The following SRSF5 variants were observed in gnomAD, a reference collection of about 807,000 sequenced individuals.
The protein encoded by SRSF5 is serine/arginine-rich splicing factor 5.
A neutral mutation model predicts 34.0 loss-of-function variants in SRSF5; 5 were observed. That is an observed-to-expected ratio of 0.15 (90% CI 0.08 to 0.31). SRSF5 has a LOEUF of 0.31. SRSF5 is among the 10% of genes least tolerant of loss of function. The probability of loss-of-function intolerance (pLI) is 1.00; values close to 1 mark genes in which losing one functional copy is unlikely to be tolerated. For synonymous variants in SRSF5, 164 were observed against 117.7 expected, an observed-to-expected ratio of 1.39 and a Z score of -2.55; for missense variants, 223 against 351.4, an observed-to-expected ratio of 0.63 and a Z score of 2.92.
At position 69,769,195 on chromosome 14, in the gene SRSF5, G is replaced by A. The variant is rs996604039; in HGVS notation, c.310G>A (p.Val104Ile). The change falls in exon 5 of 8, where the codon GTA becomes ATA. Residue 104 changes from valine to isoleucine, a missense_variant. Physicochemically the swap from Val to Ile is conservative, Grantham distance 29 (BLOSUM62 3). This residue lies in a region of SRSF5 where 44 missense variants were observed against 44.3 expected (regional missense o/e 0.99). Transcript: ENST00000557154. The part of the protein sequence containing the change: ...PRNDRRNAPP[V>I]RTENRLIVEN... Reference sequence around the variant, plus strand: ...TTTCTTCCTCAGAAATGCTCCACCTGTAAGAACAGAAAATCGTCTTATAGT... The same window carrying A: ...TTTCTTCCTCAGAAATGCTCCACCTATAAGAACAGAAAATCGTCTTATAGT... 18 of 1,614,052 alleles carry A rather than the reference G, an allele frequency of 1.1e-5. No individual in the cohort carries two copies. Among genetic ancestry groups the A allele is most frequent in the Non-Finnish European group, 1.4e-5 (16 of 1,180,040 alleles).
chr14:69,769,344 TTAAA>T (rs1275344475), intron 5 of SRSF5, 93 bp downstream of exon 5: 17 of 1,541,612 alleles, frequency 1.1e-5, no homozygotes, highest in Non-Finnish European at 1.5e-5. Context: ...AAAAGTAGTT[TTAAA>T]TTAATGGATT....
chr14:69,770,870 C>T, intron 6 of SRSF5, 125 bp from the exon 7 acceptor site: 1 of 875,526 alleles, frequency 1.1e-6, no homozygotes, highest in Non-Finnish European at 1.8e-6. Context: ...CTGTGTTATC[C>T]AGAAATAAGA....
At position 69,769,040 on chromosome 14, in the gene SRSF5, C is replaced by A. The variant is rs552264540; in HGVS notation, c.297-142C>A. ...CGTTAGCCAGTTGTTCTTGATGAAT[C>A]TATATGAGTCATAGAACACAAATCT... On this transcript the variant is annotated intron_variant, in intron 4 of 7. Coordinates refer to ENST00000557154, the MANE Select transcript of SRSF5 (RefSeq NM_001320214.2). 1.3e-5 allele frequency: 16 copies of A among 1,276,796 alleles called. No homozygotes were observed. The South Asian group carries it at 1.6e-4, about 13-fold the overall frequency. The allele number at this position is 1,276,796 out of a possible 1,614,324, so 79.1% of individuals were successfully genotyped here.
chr14:69,768,101 T>C lies in SRSF5; in HGVS notation c.-19-37T>C, dbSNP rs181278650. The C allele has an allele frequency of 3.3e-3, 5,259 of 1,609,720 alleles. 11 individuals carry two copies. Among genetic ancestry groups the C allele is most frequent in the Non-Finnish European group, 4.2e-3 (4,898 of 1,176,844 alleles). On this transcript the variant is annotated intron_variant, in intron 1 of 7. Transcript: ENST00000557154. ...TTAATCAGGCGTTTCTCTGTGACAG[T>C]CATTGCTATTATCTCGATTGAATTA...
At chr14:69,767,326 G>C (rs894218751) in intron 1 of SRSF5, 71 bp downstream of exon 1, 2 of 454,208 alleles carry the variant, frequency 4.4e-6, no homozygotes, top group Admixed American at 2.4e-5. Context: ...ATCGTGAGCG[G>C]CCGGGGCTGC....
chr14:69,771,580 A>C lies in SRSF5; in HGVS notation c.*119A>C. The C allele has an allele frequency of 8.4e-5, 62 of 740,532 alleles. No homozygotes were observed. The highest frequency in any genetic ancestry group is 1.4e-4 in the East Asian group (3 of 21,134). 45.9% of individuals were successfully genotyped at this position (740,532 alleles called of 1,614,324 possible). A position where few individuals can be genotyped will look rare whatever the true frequency, so the allele number is the denominator to read the frequency against. On this transcript the variant is annotated 3_prime_UTR_variant, in exon 8 of 8. Transcript: ENST00000557154. ...GCTTTTCTGTGGGGGTGGGATTTGGAAGGGGGGTTGGGTTGGGCTGGATAT... is the reference window on the plus strand; with the variant it reads ...GCTTTTCTGTGGGGGTGGGATTTGGCAGGGGGGTTGGGTTGGGCTGGATAT...
intron 3 of SRSF5, 39 bp from the exon 4 acceptor site, chr14:69,768,759 C>CT (rs1286282193): frequency 5.6e-6 from 9 of 1,611,554 alleles, no homozygotes; most frequent in Non-Finnish European, 7.6e-6. Context: ...ATTTATGTAG[C>CT]TTAAGTGTGT....
intron 6 of SRSF5, 195 bp from the exon 7 acceptor site, chr14:69,770,800 A>ACCCT: frequency 1.5e-6 from 1 of 649,262 alleles, no homozygotes; most frequent in Non-Finnish European, 2.7e-6. Context: ...TGCATAGGGA[A>ACCCT]CCCCCTCAAC....
rs369660005 is a variant in SRSF5 at position 69,770,984 on chromosome 14, T to C, written c.441-11T>C. On this transcript the variant is annotated splice_polypyrimidine_tract_variant and intron_variant, in intron 6 of 7. Coordinates refer to ENST00000557154, the MANE Select transcript of SRSF5 (RefSeq NM_001320214.2). ...TGTATATACTTTAAAAGTGGCTGTT[T>C]TCCATTTTAGGGTGGTTGAGTTTGC... 5.0e-6 allele frequency: 8 copies of C among 1,607,410 alleles called. No individual in the cohort carries two copies. The highest frequency in any genetic ancestry group is 1.7e-5 in the Admixed American group (1 of 58,140).
intron 5 of SRSF5, chr14:69,769,881 C>A: frequency 8.4e-7 from 1 of 1,193,834 alleles, no homozygotes; most frequent in Non-Finnish European, 1.0e-6. Flanking sequence ...CTGCATCCGC[C>A]AATAGTCCGC....
rs764341144 is a variant in SRSF5 at position 69,769,271 on chromosome 14, T to C, written c.366+20T>C. ...TGGCAGGTTTGTTGAAATACAGTTT[T>C]GAGTTATTTTGATGTGGCTTTTTAA... On this transcript the variant is annotated intron_variant, in intron 5 of 7. Transcript: ENST00000557154. 6.2e-7 allele frequency: 1 copy of C among 1,613,410 alleles called. No homozygotes were observed. Among genetic ancestry groups the C allele is most frequent in the Non-Finnish European group, 8.5e-7 (1 of 1,179,590 alleles).
chr14:69,771,173 A>T (rs1009208099), intron 7 of SRSF5, 21 bp from the exon 8 acceptor site: 21 of 1,613,618 alleles, frequency 1.3e-5, no homozygotes, highest in Middle Eastern at 1.6e-4. Context: ...ATCTAGGCTG[A>T]TTTCTTTTCA....
At position 69,768,680 on chromosome 14, in the gene SRSF5, A is replaced by G. The variant is rs769189941; in HGVS notation, c.197+6A>G. 1 of 1,614,106 alleles carries G rather than the reference A, an allele frequency of 6.2e-7. No homozygotes were observed. The highest frequency in any genetic ancestry group is 8.5e-7 in the Non-Finnish European group (1 of 1,179,920). On this transcript the variant is annotated splice_donor_region_variant and intron_variant, in intron 3 of 7. Coordinates refer to ENST00000557154, the MANE Select transcript of SRSF5 (RefSeq NM_001320214.2). Reference sequence around the variant, plus strand: ...AAAGAACTCTGTAGTGAAAGGTGAGATTCCTGTGTAACTAGATAACCCTGG... The same window carrying G: ...AAAGAACTCTGTAGTGAAAGGTGAGGTTCCTGTGTAACTAGATAACCCTGG...
rs1179020394 is a variant in SRSF5 at position 69,771,354 on chromosome 14, A to G, written c.712A>G (p.Lys238Glu). ...TGTTAGTAGGTCTCCCGTGCCTGAGAAGAGCCAGAAACGTGGTTCTTCAAG... is the reference window on the plus strand; with the variant it reads ...TGTTAGTAGGTCTCCCGTGCCTGAGGAGAGCCAGAAACGTGGTTCTTCAAG... ...RSVSRSPVPEKSQKRGSSSRS... is the reference protein window; with the variant it reads ...RSVSRSPVPEESQKRGSSSRS... The change falls in exon 8 of 8, where the codon AAG (lysine) becomes GAG (glutamate). Residue 238 changes from lysine to glutamate, a missense_variant. By Grantham distance (56) the Lys-to-Glu change is moderately conservative. Around this residue, in one of 4 missense-constraint regions of SRSF5, gnomAD observed 115 missense variants for 119.7 expected, o/e 0.96. Transcript: ENST00000557154. 24 of 1,614,094 alleles carry G rather than the reference A, an allele frequency of 1.5e-5. No homozygotes were observed. Among genetic ancestry groups the G allele is most frequent in the Non-Finnish European group, 1.8e-5 (21 of 1,180,052 alleles).
chr14:69,768,002 T>G, intron 1 of SRSF5, 136 bp from the exon 2 acceptor site: 1 of 977,830 alleles, frequency 1.0e-6, no homozygotes. Context: ...CCTGGCCTCA[T>G]TAGAGGCTCT....
chr14:69,770,617 AT>A, intron 6 of SRSF5, 77 bp downstream of exon 6: 1 of 1,317,498 alleles, frequency 7.6e-7, no homozygotes, highest in Non-Finnish European at 1.1e-6. Context: ...AGGACTTAAA[AT>A]TTGAATATGT....
intron 4 of SRSF5, 41 bp from the exon 5 acceptor site, chr14:69,769,141 A>G: frequency 6.2e-7 from 1 of 1,610,186 alleles, no homozygotes; most frequent in Non-Finnish European, 8.5e-7. Context: ...AAGTGCTGTC[A>G]TTGCATTTCT....
chr14:69,771,085 T>A lies in SRSF5; in HGVS notation c.531T>A (p.Ile177=). ...KEINGRKIKL[I]EGSKRHSRSR... is the part of the protein sequence containing the mutation. ...TAAATGGGAGAAAAATAAAATTAAT[T>A]GAAGGCAGCAAAAGGCACAGGTATC... The change falls in exon 7 of 8, where the codon ATT becomes ATA. Residue 177 remains isoleucine (I), a synonymous_variant. Coordinates refer to ENST00000557154, the MANE Select transcript of SRSF5 (RefSeq NM_001320214.2). 1 of 1,614,030 alleles carries A rather than the reference T, an allele frequency of 6.2e-7. No individual in the cohort carries two copies. The highest frequency in any genetic ancestry group is 2.2e-5 in the East Asian group (1 of 44,888).
chr14:69,769,630 G>A lies in SRSF5; in HGVS notation c.366+379G>A, dbSNP rs536138373. ...AGTCAGCTCCTACAGTGATCAGTTG[G>A]CCACCTCTAGATCTGTGTTTGCCGG... On this transcript the variant is annotated intron_variant, in intron 5 of 7. Transcript: ENST00000557154. 147 of 1,534,664 alleles carry A rather than the reference G, an allele frequency of 9.6e-5. 2 individuals carry two copies. The South Asian group carries it at 1.7e-3, about 18-fold the overall frequency.
Sources: gnomAD v4.1 joint callset for allele counts on GRCh38, gnomAD v4.1.1 for gene constraint, gnomAD v4.1.1 regional missense constraint, MANE v1.5 for transcripts, NCBI Gene and HGNC (gene_info 2026-07-23, HGNC 2026-07-21) for gene names.